HSPA12A: variants seen among roughly 807,000 people sequenced by gnomAD.
HSPA12A encodes the protein heat shock protein family A (Hsp70) member 12A.
In HSPA12A, 28 loss-of-function variants were observed where a neutral mutation model predicts 69.2. The ratio of observed to expected loss-of-function variants is 0.40; its 90% CI spans 0.30 to 0.55. HSPA12A has a LOEUF of 0.55. Among genes scored for constraint, HSPA12A ranks in the 20% least tolerant of loss-of-function variants. HSPA12A has a pLI of 0.38. For synonymous variants in HSPA12A, 345 were observed against 370.5 expected (o/e 0.93, Z 0.79); for missense variants, 686 against 900.7 (o/e 0.76, Z 3.05).
intron 1 of HSPA12A, among the ~76,000 whole-genome samples, chr10:116,836,591 C>T (rs561351852): frequency 6.6e-6 from 1 of 152,312 alleles, no homozygotes; most frequent in Non-Finnish European, 1.5e-5. Context: ...AATTGAAAAG[C>T]TCTTAGCCCC....
chr10:116,784,888 C>T (rs572072133), intron 2 of HSPA12A, among the ~76,000 whole-genome samples: 1 of 152,178 alleles, frequency 6.6e-6, no homozygotes, highest in Non-Finnish European at 1.5e-5. Context: ...GCTGGAGATG[C>T]TGAGGGCACG....
chr10:116,728,654 C>A (rs78758527), intron 1 of HSPA12A, among the ~76,000 whole-genome samples: 2 of 152,336 alleles, frequency 1.3e-5, no homozygotes, highest in African/African-American at 2.4e-5. Flanking sequence ...CTTCTTAACA[C>A]AGCTCTCTAG....
intron 2 of HSPA12A, among the ~76,000 whole-genome samples, chr10:116,819,661 A>C (rs1051534499): frequency 2.7e-4 from 41 of 152,170 alleles, no homozygotes; most frequent in African/African-American, 9.2e-4. Flanking sequence ...ACTCAGCCTA[A>C]GGTATTTTGT....
chr10:116,841,112 A>G (rs1845794992), intron 1 of HSPA12A, among the ~76,000 whole-genome samples: 1 of 152,168 alleles, frequency 6.6e-6, no homozygotes, highest in South Asian at 2.1e-4. Context: ...TATTTATTTC[A>G]AGTGAAAGTA....
At chr10:116,774,665 T>C (rs1269830109) in intron 2 of HSPA12A, among the ~76,000 whole-genome samples, 1 of 152,150 alleles carries the variant, frequency 6.6e-6, no homozygotes, top group Non-Finnish European at 1.5e-5. Context: ...GAGAAAGGAT[T>C]GGAGAGTGGG....
At chr10:116,694,138 C>T (rs989654541) in intron 5 of HSPA12A, among the ~76,000 whole-genome samples, 2 of 152,154 alleles carry the variant, frequency 1.3e-5, no homozygotes, top group African/African-American at 2.4e-5. Flanking sequence ...AGTTCCCCAG[C>T]GGGTAGGGAA....
chr10:116,764,625 G>A (rs1435716326), intron 2 of HSPA12A, among the ~76,000 whole-genome samples: 2 of 152,106 alleles, frequency 1.3e-5, no homozygotes, highest in Non-Finnish European at 2.9e-5. Flanking sequence ...GAAAGGGATG[G>A]GGATGATGGT....
chr10:116,753,371 A>G (rs1195420844), intron 2 of HSPA12A, among the ~76,000 whole-genome samples: 2 of 152,220 alleles, frequency 1.3e-5, no homozygotes, highest in Admixed American at 6.5e-5. Context: ...AGCTGCAGTT[A>G]TCACTATGAT....
intron 2 of HSPA12A, among the ~76,000 whole-genome samples, chr10:116,792,133 A>G (rs1844711809): frequency 6.6e-6 from 1 of 151,906 alleles, no homozygotes; most frequent in African/African-American, 2.4e-5. Context: ...CATGAACTTT[A>G]CATGCATGAT....
intron 2 of HSPA12A, among the ~76,000 whole-genome samples, chr10:116,813,601 AG>A (rs1845240067): frequency 6.6e-6 from 1 of 151,830 alleles, no homozygotes; most frequent in Admixed American, 6.6e-5. Context: ...ACTCTAAGCC[AG>A]GCACAGTTGC....
chr10:116,830,983 A>G (rs1306038029), intron 2 of HSPA12A: 1 of 152,584 alleles, frequency 6.6e-6, no homozygotes, highest in Non-Finnish European at 1.5e-5. Context: ...GGCAGGCTAT[A>G]TCATCTAGGT....
chr10:116,830,831 A>G (rs1845599856), intron 2 of HSPA12A: 1 of 134,716 alleles, frequency 7.4e-6, no homozygotes. Flanking sequence ...CTATCTAAAT[A>G]TGCATATATT....
intron 2 of HSPA12A, among the ~76,000 whole-genome samples, chr10:116,808,003 T>C (rs2133178343): frequency 1.3e-5 from 2 of 152,330 alleles, no homozygotes; most frequent in African/African-American, 4.8e-5. Flanking sequence ...CTTTAGCCTC[T>C]GGCCATCTCC....
In HSPA12A at chr10:116,700,891, A is replaced by G. The variant is rs1334842883; in HGVS notation, c.441+52T>C. On this transcript the variant is annotated intron_variant, in intron 4 of 11. Transcript: ENST00000369209. ...CCTTCCCCACCCCAAGGCTGGAGGA[A>G]GCTTGGCACTCCATTGCGGGGGACC... 2.0e-5 allele frequency: 31 copies of G among 1,573,306 alleles called. No homozygotes were observed. In the East Asian group the frequency reaches 6.3e-4, roughly 32 times the overall value.
intron 2 of HSPA12A, among the ~76,000 whole-genome samples, chr10:116,773,071 G>A (rs1390506461): frequency 6.6e-6 from 1 of 152,138 alleles, no homozygotes; most frequent in African/African-American, 2.4e-5. Flanking sequence ...TAAAAGTCTG[G>A]GTGAGCCAGG....
At chr10:116,783,997 CCCA>C in intron 2 of HSPA12A, among the ~76,000 whole-genome samples, 1 of 152,212 alleles carries the variant, frequency 6.6e-6, no homozygotes, top group South Asian at 2.1e-4. Flanking sequence ...AGCCACCATG[CCCA>C]GCCCATTTAT....
upstream of HSPA12A, chr10:116,742,616 C>T: frequency 9.3e-7 from 1 of 1,070,496 alleles, no homozygotes; most frequent in Non-Finnish European, 1.1e-6. Flanking sequence ...CCGCCGCAGC[C>T]ACGGCTCCTC....
At chr10:116,790,453 C>A (rs1213878098) in intron 2 of HSPA12A, among the ~76,000 whole-genome samples, 2 of 151,926 alleles carry the variant, frequency 1.3e-5, no homozygotes, top group African/African-American at 4.8e-5. Context: ...TGCCCTCAGC[C>A]CACTCATGCT....
Position 116,795,157 on chromosome 10 carries a change from C to G in HSPA12A, c.91+39778G>C, listed in dbSNP as rs182134949. The stretch of plus-strand genomic sequence containing the variant: ...CAGAGCTCAGTTCACCTTCATACCC[C>G]CAAATGCAACATGGCCTTCTTCCAC... On this transcript the variant is annotated intron_variant, in intron 2 of 12. Coordinates refer to the HSPA12A transcript ENST00000635765. Among the ~76,000 whole-genome samples, 433 of 152,282 alleles carry G rather than the reference C, an allele frequency of 2.8e-3. 3 individuals are homozygous for G. Among genetic ancestry groups the G allele is most frequent in the African/African-American group, 9.9e-3 (410 of 41,560 alleles).
Sources: gnomAD v4.1 joint callset for allele counts (sites outside exome capture counted in the v4.1 genomes callset) on GRCh38, gnomAD v4.1.1 for gene constraint, MANE v1.5 for transcripts, NCBI Gene and HGNC (gene_info 2026-07-23, HGNC 2026-07-21) for gene names.